The following SCMH1 variants were observed in gnomAD, a reference collection of about 807,000 sequenced individuals.
SCMH1 encodes Scm polycomb group protein homolog 1.
SCMH1 carries 37 observed loss-of-function variants against 70.8 expected under a neutral mutation model. The ratio of observed to expected loss-of-function variants is 0.52; its 90% CI spans 0.40 to 0.69. The LOEUF is 0.69. Among genes scored for constraint, SCMH1 ranks in the 30% least tolerant of loss-of-function variants. SCMH1 has a pLI of 0.00. For synonymous variants in SCMH1, 292 were observed against 307.4 expected (o/e 0.95, Z 0.52); for missense variants, 607 against 827.3 (o/e 0.73, Z 3.27).
chr1:41,060,811 A>C (rs1340372271), intron 10 of SCMH1, among the ~76,000 whole-genome samples: 1 of 151,938 alleles, frequency 6.6e-6, no homozygotes, highest in Non-Finnish European at 1.5e-5. Flanking sequence ...ATGCTTGATT[A>C]ATTTTTTAAT....
chr1:41,198,526 T>G (rs1005776717), intron 1 of SCMH1, among the ~76,000 whole-genome samples: 3 of 152,206 alleles, frequency 2.0e-5, no homozygotes, highest in African/African-American at 7.2e-5. Flanking sequence ...CAAGAATTGT[T>G]TTTTATAACA....
intron 11 of SCMH1, among the ~76,000 whole-genome samples, chr1:41,047,302 C>T (rs1646982026): frequency 6.6e-6 from 1 of 151,414 alleles, no homozygotes; most frequent in Non-Finnish European, 1.5e-5. Flanking sequence ...CAGGTTCCTA[C>T]AGACCATTAC....
chr1:41,206,570 T>C (rs568112503), intron 1 of SCMH1, among the ~76,000 whole-genome samples: 215 of 152,324 alleles, frequency 1.4e-3, no homozygotes, highest in Non-Finnish European at 2.6e-3. Context: ...ATTTGACTGG[T>C]GTACCTGAAA....
intron 2 of SCMH1, among the ~76,000 whole-genome samples, chr1:41,179,136 C>T (rs1016081758): frequency 3.9e-5 from 6 of 152,114 alleles, no homozygotes; most frequent in Admixed American, 3.9e-4. Flanking sequence ...TGAATGACTA[C>T]TGGGTACATA....
intron 9 of SCMH1, among the ~76,000 whole-genome samples, chr1:41,072,128 T>A (rs1656751047): frequency 6.6e-6 from 1 of 152,208 alleles, no homozygotes; most frequent in African/African-American, 2.4e-5. Context: ...CAGGCATATA[T>A]AAGATGGCTT....
Position 41,148,101 on chromosome 1 carries a change from A to G in SCMH1, c.177+3513T>C, listed in dbSNP as rs1035908503. Among the ~76,000 whole-genome samples the G allele has an allele frequency of 6.2e-4, 94 of 152,268 alleles. 1 individual carries two copies. The highest frequency in any genetic ancestry group is 2.1e-3 in the African/African-American group (87 of 41,570). Reference sequence around the variant, plus strand: ...TTGCATTAGAGTTTATAGTACAAACATCTTTAACTTACCACAGTCTACCTT... The same window carrying G: ...TTGCATTAGAGTTTATAGTACAAACGTCTTTAACTTACCACAGTCTACCTT... On this transcript the variant is annotated intron_variant, in intron 5 of 14. Coordinates refer to ENST00000337495, the Ensembl canonical transcript of SCMH1.
chr1:41,147,554 AG>A (rs1644699464), intron 5 of SCMH1, among the ~76,000 whole-genome samples: 1 of 152,114 alleles, frequency 6.6e-6, no homozygotes, highest in Admixed American at 6.5e-5. Flanking sequence ...AGTTAGGTCA[AG>A]TTAGTTCATA....
intron 5 of SCMH1, among the ~76,000 whole-genome samples, chr1:41,145,836 G>A (rs1422001971): frequency 6.6e-6 from 1 of 151,956 alleles, no homozygotes; most frequent in African/African-American, 2.4e-5. Flanking sequence ...TGGTGATGCT[G>A]GTGTAAAAAA....
chr1:41,118,115 G>C (rs1671008257), intron 6 of SCMH1, among the ~76,000 whole-genome samples: 1 of 152,180 alleles, frequency 6.6e-6, no homozygotes, highest in Non-Finnish European at 1.5e-5. Context: ...CTCCTATGCT[G>C]TGATAGTTAC....
chr1:41,191,333 CAAGTT>C (rs1465725194), intron 1 of SCMH1, among the ~76,000 whole-genome samples: 5 of 152,224 alleles, frequency 3.3e-5, no homozygotes, highest in African/African-American at 4.8e-5. Flanking sequence ...ATACTACTGA[CAAGTT>C]AAGTGTAAAT....
intron 8 of SCMH1, among the ~76,000 whole-genome samples, chr1:41,090,662 C>A (rs1357810232): frequency 6.6e-6 from 1 of 151,936 alleles, no homozygotes; most frequent in Non-Finnish European, 1.5e-5. Flanking sequence ...TACATACCTA[C>A]AATTAAAAAT....
At chr1:41,070,606 T>C (rs1656147504) in exon 10 of SCMH1, 1 of 1,614,110 alleles carries the variant, frequency 6.2e-7, no homozygotes, top group Non-Finnish European at 8.5e-7. Flanking sequence ...TGTTGGGGCC[T>C]GCATGGCTGA....
rs985899141 is a variant in SCMH1 at position 41,117,278 on chromosome 1, C to G, written c.413-268G>C. ...TCTACAATCATAACCTAGGAAAAAC[C>G]AGGCCATACAGAGATAGGAGCTGAG... is the stretch of plus-strand genomic sequence containing the variant. On this transcript the variant is annotated intron_variant, in intron 6 of 14. Coordinates refer to ENST00000337495, the Ensembl canonical transcript of SCMH1. Among the ~76,000 whole-genome samples the G allele has an allele frequency of 8.5e-4, 129 of 151,968 alleles. 1 individual carries two copies. Among genetic ancestry groups the G allele is most frequent in the African/African-American group, 2.7e-3 (112 of 41,472 alleles).
intron 6 of SCMH1, among the ~76,000 whole-genome samples, chr1:41,133,315 G>A (rs1282970564): frequency 1.3e-5 from 2 of 151,978 alleles, no homozygotes; most frequent in East Asian, 1.9e-4. Flanking sequence ...GTGAATGGGA[G>A]TTCACTCAAG....
At chr1:41,108,964 T>C (rs925692257) in intron 8 of SCMH1, among the ~76,000 whole-genome samples, 12 of 152,218 alleles carry the variant, frequency 7.9e-5, no homozygotes, top group Admixed American at 2.0e-4. Context: ...ACCATACTTT[T>C]TCTTTCCTAT....
At chr1:41,064,442 G>A (rs1020959448) in intron 10 of SCMH1, among the ~76,000 whole-genome samples, 9 of 152,158 alleles carry the variant, frequency 5.9e-5, no homozygotes, top group Non-Finnish European at 7.4e-5. Flanking sequence ...TGGGAAGGAC[G>A]AAATAAAACT....
chr1:41,064,265 C>T (rs1289553232), intron 10 of SCMH1, among the ~76,000 whole-genome samples: 1 of 152,094 alleles, frequency 6.6e-6, no homozygotes, highest in Non-Finnish European at 1.5e-5. Context: ...ATAACATCTA[C>T]AAAAAACCTA....
At chr1:41,084,899 T>C (rs1199968880) in intron 8 of SCMH1, among the ~76,000 whole-genome samples, 1 of 149,384 alleles carries the variant, frequency 6.7e-6, no homozygotes. Flanking sequence ...ACACTGCATA[T>C]TCTCACTCAT....
intron 6 of SCMH1, among the ~76,000 whole-genome samples, chr1:41,138,279 C>A (rs1423450370): frequency 6.6e-6 from 1 of 152,088 alleles, no homozygotes; most frequent in Non-Finnish European, 1.5e-5. Flanking sequence ...GTTGACCAAT[C>A]TGAATCAAAA....
Sources: gnomAD v4.1 joint callset for allele counts (sites outside exome capture counted in the v4.1 genomes callset) on GRCh38, gnomAD v4.1.1 for gene constraint, MANE v1.5 for transcripts, NCBI Gene and HGNC (gene_info 2026-07-23, HGNC 2026-07-21) for gene names.